The following MARCHF1 variants were observed in gnomAD, a reference collection of about 807,000 sequenced individuals.
MARCHF1 encodes membrane associated ring-CH-type finger 1, also known as E3 ubiquitin-protein ligase MARCHF1.
In MARCHF1, 40 loss-of-function variants were observed where a neutral mutation model predicts 54.2. That is an observed-to-expected ratio of 0.74 (90% CI 0.57 to 0.96). The LOEUF (loss-of-function observed/expected upper bound fraction) is 0.96, where lower values mean the gene tolerates loss of function less well. Among genes scored for constraint, MARCHF1 ranks in the 40% least tolerant of loss-of-function variants. The probability of loss-of-function intolerance (pLI) is 0.00; values close to 1 mark genes in which losing one functional copy is unlikely to be tolerated. For synonymous variants in MARCHF1, 236 were observed against 236.3 expected (o/e 1.00, Z 0.01); for missense variants, 586 against 656.5 (o/e 0.89, Z 1.17).
At chr4:163,869,084 G>A (rs1750115882) in intron 3 of MARCHF1, among the ~76,000 whole-genome samples, 1 of 151,680 alleles carries the variant, frequency 6.6e-6, no homozygotes. Flanking sequence ...AATAAGTAAG[G>A]TTCTACTAGA....
chr4:164,352,022 T>C (rs1284128452), intron 1 of MARCHF1, among the ~76,000 whole-genome samples: 1 of 132,498 alleles, frequency 7.5e-6, no homozygotes, highest in Non-Finnish European at 1.7e-5. Context: ...CAATGGAAGA[T>C]GAAATGAATG....
chr4:163,946,706 C>T (rs1353053892), intron 3 of MARCHF1, among the ~76,000 whole-genome samples: 1 of 152,180 alleles, frequency 6.6e-6, no homozygotes, highest in Non-Finnish European at 1.5e-5. Flanking sequence ...GAACAATGAG[C>T]TATTTTTCAG....
intron 3 of MARCHF1, among the ~76,000 whole-genome samples, chr4:163,979,169 C>G (rs1166035058): frequency 1.7e-5 from 1 of 59,436 alleles, no homozygotes; most frequent in Non-Finnish European, 3.2e-5. Context: ...TATCCCCCCC[C>G]CTCCCCCCAC....
At chr4:164,197,024 C>G (rs1309456410) in intron 1 of MARCHF1, 3 of 1,605,286 alleles carry the variant, frequency 1.9e-6, no homozygotes, top group Non-Finnish European at 2.6e-6. Context: ...CGCTTCTGAC[C>G]CCTTTCTTCT....
At chr4:163,735,414 T>G (rs9997733) in intron 4 of MARCHF1, among the ~76,000 whole-genome samples, 62,343 of 151,986 alleles carry the variant, frequency 0.41, 13,106 homozygotes, top group Admixed American at 0.47. Flanking sequence ...AATAAAGATT[T>G]ATTGACACAA....
intron 1 of MARCHF1, among the ~76,000 whole-genome samples, chr4:164,187,286 T>C (rs1560944914): frequency 6.6e-6 from 1 of 152,134 alleles, no homozygotes; most frequent in African/African-American, 2.4e-5. Context: ...CTGGAGATGT[T>C]CCAGGGTGAT....
intron 6 of MARCHF1, 76 bp downstream of exon 6, chr4:163,613,238 C>A: frequency 6.9e-7 from 1 of 1,453,714 alleles, no homozygotes; most frequent in East Asian, 2.3e-5. Flanking sequence ...AAGAGACACA[C>A]ATTCTCAGAA....
At chr4:163,767,652 C>T (rs1467571857) in intron 4 of MARCHF1, among the ~76,000 whole-genome samples, 3 of 151,946 alleles carry the variant, frequency 2.0e-5, no homozygotes, top group Non-Finnish European at 4.4e-5. Context: ...CATTTTTGAC[C>T]CAGCAGAGAC....
intron 9 of MARCHF1, among the ~76,000 whole-genome samples, chr4:163,534,737 T>G (rs935714446): frequency 2.0e-4 from 30 of 152,194 alleles, no homozygotes; most frequent in Middle Eastern, 6.8e-3. Context: ...CATGGTCCCT[T>G]TCTCCTATAG....
At chr4:164,345,901 T>C (rs1435380793) in intron 1 of MARCHF1, among the ~76,000 whole-genome samples, 1 of 152,174 alleles carries the variant, frequency 6.6e-6, no homozygotes, top group Non-Finnish European at 1.5e-5. Flanking sequence ...AAGAATTTAA[T>C]AAGAGATATA....
chr4:163,693,997 CAGA>C (rs1300457976), intron 5 of MARCHF1, among the ~76,000 whole-genome samples: 1 of 152,128 alleles, frequency 6.6e-6, no homozygotes, highest in Admixed American at 6.6e-5. Flanking sequence ...CTTAGACTAA[CAGA>C]AGTGATCATC....
intron 8 of MARCHF1, among the ~76,000 whole-genome samples, chr4:163,572,314 T>C (rs1417776035): frequency 1.0e-5 from 1 of 97,314 alleles, no homozygotes; most frequent in African/African-American, 3.3e-5. Context: ...TAGGTCTCTT[T>C]CTTCCTTTTT....
At chr4:164,206,878 T>C (rs1731620850) in intron 1 of MARCHF1, among the ~76,000 whole-genome samples, 1 of 149,618 alleles carries the variant, frequency 6.7e-6, no homozygotes. Context: ...GAAAAAACTC[T>C]GTAAACAGTA....
chr4:163,872,762 C>T (rs946640663), intron 3 of MARCHF1, among the ~76,000 whole-genome samples: 3 of 151,976 alleles, frequency 2.0e-5, no homozygotes, highest in Admixed American at 1.3e-4. Flanking sequence ...ATGATGAAGT[C>T]GGCCGGGCGC....
intron 1 of MARCHF1, among the ~76,000 whole-genome samples, chr4:164,335,918 T>A (rs1196811925): frequency 6.6e-6 from 1 of 152,142 alleles, no homozygotes; most frequent in Non-Finnish European, 1.5e-5. Flanking sequence ...ATTCTTCCAG[T>A]AATCAATCAG....
intron 3 of MARCHF1, among the ~76,000 whole-genome samples, chr4:163,949,809 G>A (rs190373136): frequency 1.3e-3 from 197 of 152,134 alleles, no homozygotes; most frequent in Non-Finnish European, 2.1e-3. Context: ...TTGCAGGCAG[G>A]TTGTCCTGTC....
At chr4:164,201,292 T>A (rs942832050) in intron 1 of MARCHF1, among the ~76,000 whole-genome samples, 1 of 152,170 alleles carries the variant, frequency 6.6e-6, no homozygotes, top group African/African-American at 2.4e-5. Context: ...CGATCTCGGC[T>A]CACTGCAACC....
At chr4:163,754,828 AAAGT>A (rs1405352942) in intron 4 of MARCHF1, among the ~76,000 whole-genome samples, 1 of 152,174 alleles carries the variant, frequency 6.6e-6, no homozygotes, top group Non-Finnish European at 1.5e-5. Flanking sequence ...AAGGACAGAC[AAAGT>A]AAGTTAAAAC....
chr4:163,784,434 T>C (rs879863180), intron 4 of MARCHF1, among the ~76,000 whole-genome samples: 1 of 152,148 alleles, frequency 6.6e-6, no homozygotes, highest in Admixed American at 6.5e-5. Context: ...GTGTTCTTAA[T>C]AGGCAGAACA....
Sources: gnomAD v4.1 joint callset for allele counts (sites outside exome capture counted in the v4.1 genomes callset) on GRCh38, gnomAD v4.1.1 for gene constraint, MANE v1.5 for transcripts, NCBI Gene and HGNC (gene_info 2026-07-23, HGNC 2026-07-21) for gene names.